BACH1: variants seen among roughly 807,000 people sequenced by gnomAD.
The protein encoded by BACH1 is transcription regulator protein BACH1.
In BACH1, 35 loss-of-function variants were observed where a neutral mutation model predicts 52.9. That is an observed-to-expected ratio of 0.66 (90% CI 0.51 to 0.88). The LOEUF (loss-of-function observed/expected upper bound fraction) is 0.88, where lower values mean the gene tolerates loss of function less well. BACH1 is among the 40% of genes least tolerant of loss of function. The pLI is 0.00. For synonymous variants in BACH1, 321 were observed against 319.6 expected (o/e 1.00, Z -0.05); for missense variants, 808 against 872.6 (o/e 0.93, Z 0.93).
chr21:29,307,607 G>T (rs2088673992), intron 1 of BACH1, among the ~76,000 whole-genome samples: 1 of 152,114 alleles, frequency 6.6e-6, no homozygotes, highest in Non-Finnish European at 1.5e-5. Flanking sequence ...ACAGTATATG[G>T]TTATAATTGT....
chr21:29,329,381 G>A (rs1211820780), intron 3 of BACH1, 106 bp from the exon 4 acceptor site: 4 of 927,586 alleles, frequency 4.3e-6, no homozygotes, highest in Non-Finnish European at 6.1e-6. Context: ...TTTCTTTAAT[G>A]TAAAATAAGT....
intron 2 of BACH1, among the ~76,000 whole-genome samples, chr21:29,353,167 T>C: frequency 6.6e-6 from 1 of 152,124 alleles, no homozygotes; most frequent in East Asian, 1.9e-4. Context: ...TTCTAAGAAA[T>C]GGCAATGGAA....
intron 1 of BACH1, among the ~76,000 whole-genome samples, chr21:29,302,863 G>C (rs190097213): frequency 6.6e-6 from 1 of 152,314 alleles, no homozygotes; most frequent in African/African-American, 2.4e-5. Flanking sequence ...CAACTTCTGA[G>C]GGCAACGAAC....
At chr21:29,347,083 G>C (rs1417748169), downstream of BACH1, among the ~76,000 whole-genome samples, 1 of 152,122 alleles carries the variant, frequency 6.6e-6, no homozygotes, top group Non-Finnish European at 1.5e-5. Context: ...ATAGGTAGTA[G>C]GTATTGAGGG....
Position 29,343,777 on chromosome 21 carries a change from GCTTA to G in BACH1, c.*948_*951del, listed in dbSNP as rs901663234. On this transcript the variant is annotated 3_prime_UTR_variant, in exon 5 of 5. Coordinates refer to ENST00000286800, the MANE Select transcript of BACH1 (RefSeq NM_001186.4). ...CCAGACATCACGGGGAAAGAATGTT[GCTTA>G]CTTTTTACCAGGAGTGCAGTTCATT... 6.6e-5 allele frequency: 10 copies of G among 152,264 alleles called. No homozygotes were observed. Among genetic ancestry groups the G allele is most frequent in the South Asian group, 2.1e-4 (1 of 4,824 alleles). The allele number at this position is 152,264 out of a possible 1,614,324, so 9.4% of individuals were successfully genotyped here.
At chr21:29,315,140 C>T (rs1191070792) in intron 1 of BACH1, among the ~76,000 whole-genome samples, 1 of 151,956 alleles carries the variant, frequency 6.6e-6, no homozygotes, top group Non-Finnish European at 1.5e-5. Context: ...AAATAAAGGC[C>T]CTTAAAGGAG....
At chr21:29,313,742 A>G (rs559913008) in intron 1 of BACH1, among the ~76,000 whole-genome samples, 1 of 152,232 alleles carries the variant, frequency 6.6e-6, no homozygotes, top group Non-Finnish European at 1.5e-5. Context: ...CTATTTGTAT[A>G]AAAAGAAAAT....
At position 29,344,666 on chromosome 21, in the gene BACH1, G is replaced by GTA. The variant is rs1271065473; in HGVS notation, c.*1834_*1835insAT. The GTA allele has an allele frequency of 4.1e-5, 6 of 147,882 alleles. No homozygotes were observed. The highest frequency in any genetic ancestry group is 3.4e-4 in the Admixed American group (5 of 14,812). 9.2% of individuals were successfully genotyped at this position (147,882 alleles called of 1,614,324 possible). On this transcript the variant is annotated 3_prime_UTR_variant, in exon 5 of 5. Transcript: ENST00000286800. The stretch of plus-strand genomic sequence containing the variant: ...TGTGTGTGTGTGTGTGTGTGTGTGT[G>GTA]TGTATGTGTATGTATACATATATAT...
At chr21:29,318,262 G>A (rs1601347793) in intron 1 of BACH1, among the ~76,000 whole-genome samples, 1 of 152,220 alleles carries the variant, frequency 6.6e-6, no homozygotes, top group East Asian at 1.9e-4. Context: ...TTGGATTAGA[G>A]TTGTGCTGAT....
At chr21:29,303,972 G>A (rs1375608965) in intron 1 of BACH1, among the ~76,000 whole-genome samples, 4 of 152,098 alleles carry the variant, frequency 2.6e-5, no homozygotes, top group Admixed American at 6.5e-5. Flanking sequence ...TTCTCAGTAC[G>A]GGCACAATTT....
At chr21:29,312,972 AGGAGGC>A (rs1318319442) in intron 1 of BACH1, among the ~76,000 whole-genome samples, 10 of 152,244 alleles carry the variant, frequency 6.6e-5, no homozygotes, top group Non-Finnish European at 1.3e-4. Context: ...AGCACATGTA[AGGAGGC>A]TCAACATCCA....
In BACH1 at chr21:29,308,531, A is replaced by G. The variant is rs566381893; in HGVS notation, c.-61+9578A>G. Among the ~76,000 whole-genome samples the G allele has an allele frequency of 2.2e-3, 334 of 152,066 alleles. 1 individual carries two copies. Among genetic ancestry groups the G allele is most frequent in the Non-Finnish European group, 3.8e-3 (257 of 68,000 alleles). On this transcript the variant is annotated intron_variant, in intron 1 of 4. Coordinates refer to ENST00000286800, the MANE Select transcript of BACH1 (RefSeq NM_001186.4). ...CACCCTCACCCCCCTTTTTGACTCA[A>G]ATTTTATTGTGAGTTGGTGTATAGT...
Position 29,344,760 on chromosome 21 carries a change from A to G in BACH1, c.*1927A>G, listed in dbSNP as rs2089152270. The G allele has an allele frequency of 6.6e-6, 1 of 152,584 alleles. No homozygotes were observed. Among genetic ancestry groups the G allele is most frequent in the Non-Finnish European group, 1.5e-5 (1 of 68,022 alleles). The allele number at this position is 152,584 out of a possible 1,614,324, so 9.5% of individuals were successfully genotyped here. ...CAGCTTCACGATATAAAATAATATAAGAACTTCTGGTTTACAAAATGTAAA... is the reference window on the plus strand; with the variant it reads ...CAGCTTCACGATATAAAATAATATAGGAACTTCTGGTTTACAAAATGTAAA... On this transcript the variant is annotated 3_prime_UTR_variant, in exon 5 of 5. Coordinates refer to ENST00000286800, the MANE Select transcript of BACH1 (RefSeq NM_001186.4).
intron 3 of BACH1, among the ~76,000 whole-genome samples, chr21:29,328,402 C>CT (rs892709751): frequency 6.6e-6 from 1 of 151,388 alleles, no homozygotes; most frequent in East Asian, 1.9e-4. Flanking sequence ...AATATTTTTT[C>CT]TTTTTTTTGT....
chr21:29,354,247 A>T (rs914286220), intron 2 of BACH1, among the ~76,000 whole-genome samples: 15 of 152,132 alleles, frequency 9.9e-5, no homozygotes, highest in East Asian at 5.8e-4. Flanking sequence ...AGGTTGGAGG[A>T]GTGACATGTG....
chr21:29,334,956 C>G (rs1277076362), intron 4 of BACH1, among the ~76,000 whole-genome samples: 1 of 152,216 alleles, frequency 6.6e-6, no homozygotes, highest in Non-Finnish European at 1.5e-5. Context: ...AGCAGCATTT[C>G]TTGAAATGTG....
chr21:29,305,784 G>A (rs1485773450), intron 1 of BACH1, among the ~76,000 whole-genome samples: 1 of 152,124 alleles, frequency 6.6e-6, no homozygotes, highest in African/African-American at 2.4e-5. Context: ...TGGACAGTAG[G>A]GTTGCTAAAT....
chr21:29,317,925 A>C (rs1483863356), intron 1 of BACH1, among the ~76,000 whole-genome samples: 1 of 152,118 alleles, frequency 6.6e-6, no homozygotes, highest in African/African-American at 2.4e-5. Context: ...AAGGTCATAT[A>C]GCTAGTAGTG....
chr21:29,318,160 T>A (rs542522019), intron 1 of BACH1, among the ~76,000 whole-genome samples: 1 of 152,244 alleles, frequency 6.6e-6, no homozygotes, highest in South Asian at 2.1e-4. Context: ...ATGTGAAACT[T>A]TATTTTATGT....
Sources: allele counts gnomAD v4.1 joint callset (sites outside exome capture counted in the v4.1 genomes callset), GRCh38; gene constraint gnomAD v4.1.1; transcripts MANE v1.5; gene names NCBI Gene and HGNC (gene_info 2026-07-23, HGNC 2026-07-21).